TTC12: variants seen among roughly 807,000 people sequenced by gnomAD.
The protein encoded by TTC12 is tetratricopeptide repeat protein 12.
A neutral mutation model predicts 90.1 loss-of-function variants in TTC12; 70 were observed. The observed-to-expected ratio is 0.78, with a 90% CI of 0.64 to 0.95. The LOEUF (loss-of-function observed/expected upper bound fraction) is 0.95. Ranked by LOEUF, TTC12 falls within the 40% of genes least tolerant of loss-of-function variation. The pLI, the probability that TTC12 is intolerant of heterozygous loss-of-function variation, is 0.00. For missense variants in TTC12, 819 were observed against 846.1 expected (o/e 0.97, Z 0.40); for synonymous variants, 296 against 311.5 (o/e 0.95, Z 0.53).
chr11:113,345,327 G>A (rs1555147758), intron 13 of TTC12, among the ~76,000 whole-genome samples: 2 of 152,180 alleles, frequency 1.3e-5, no homozygotes, highest in African/African-American at 4.8e-5. Context: ...GGGTAGGCAA[G>A]GTAAGCTTTA....
intron 7 of TTC12, among the ~76,000 whole-genome samples, chr11:113,331,429 T>C (rs1368141865): frequency 1.3e-5 from 2 of 152,232 alleles, no homozygotes; most frequent in African/African-American, 4.8e-5. Context: ...AGTGTCACTA[T>C]TTTCTCTATT....
intron 12 of TTC12, among the ~76,000 whole-genome samples, 185 bp from the exon 13 acceptor site, chr11:113,344,087 G>C (rs369414186): frequency 6.6e-6 from 1 of 152,184 alleles, no homozygotes; most frequent in Non-Finnish European, 1.5e-5. Context: ...GAGTTCATTG[G>C]TAAGGTCGCT....
intron 13 of TTC12, among the ~76,000 whole-genome samples, chr11:113,345,129 A>G (rs1163670980): frequency 2.0e-5 from 3 of 152,232 alleles, no homozygotes; most frequent in South Asian, 4.1e-4. Flanking sequence ...GTTTGAACAT[A>G]TGAAATTGCC....
At chr11:113,317,510 A>G (rs1947017059) in intron 2 of TTC12, among the ~76,000 whole-genome samples, 1 of 152,138 alleles carries the variant, frequency 6.6e-6, no homozygotes, top group Non-Finnish European at 1.5e-5. Flanking sequence ...CACCCAGACT[A>G]TGTCAACAAC....
At chr11:113,355,895 C>T (rs1375259789) in intron 16 of TTC12, among the ~76,000 whole-genome samples, 4 of 152,130 alleles carry the variant, frequency 2.6e-5, no homozygotes, top group Admixed American at 6.5e-5. Flanking sequence ...CACTATGTGG[C>T]GATGAGAAAA....
intron 21 of TTC12, among the ~76,000 whole-genome samples, chr11:113,372,580 A>G (rs1016689597): frequency 6.6e-6 from 1 of 152,234 alleles, no homozygotes; most frequent in Admixed American, 6.5e-5. Context: ...ATTGTAGGCT[A>G]TAGATGCATT....
At chr11:113,325,416 G>A (rs563609405) in intron 5 of TTC12, 108 bp from the exon 6 acceptor site, 9 of 1,324,990 alleles carry the variant, frequency 6.8e-6, no homozygotes, top group African/African-American at 5.9e-5. Context: ...CTTTAGGATC[G>A]ATAGAAGTGA....
chr11:113,322,472 A>G (rs1282504038), intron 2 of TTC12, among the ~76,000 whole-genome samples: 1 of 152,190 alleles, frequency 6.6e-6, no homozygotes, highest in African/African-American at 2.4e-5. Context: ...TGTAGTTTTA[A>G]TAGCAGGAAG....
At chr11:113,356,509 A>G (rs189469763) in intron 16 of TTC12, among the ~76,000 whole-genome samples, 1 of 152,258 alleles carries the variant, frequency 6.6e-6, no homozygotes, top group East Asian at 1.9e-4. Flanking sequence ...TATTTTGCTG[A>G]CTTATTTATG....
intron 21 of TTC12, among the ~76,000 whole-genome samples, chr11:113,372,137 C>T (rs1279864496): frequency 6.6e-6 from 1 of 152,048 alleles, no homozygotes; most frequent in Non-Finnish European, 1.5e-5. Flanking sequence ...CAAGGAGGGC[C>T]GAGAGAATCT....
At chr11:113,348,476 T>C (rs1344791624) in intron 13 of TTC12, among the ~76,000 whole-genome samples, 1 of 152,202 alleles carries the variant, frequency 6.6e-6, no homozygotes, top group Non-Finnish European at 1.5e-5. Context: ...GTCTGGTCCC[T>C]TAGCCTTTAT....
At chr11:113,365,131 G>C (rs1950140389) in intron 21 of TTC12, 71 bp downstream of exon 21, 1 of 1,409,116 alleles carries the variant, frequency 7.1e-7, no homozygotes, top group East Asian at 2.4e-5. Context: ...CTGAGTTTTG[G>C]CTGGGACTGC....
At chr11:113,333,472 T>C (rs1199897635) in intron 7 of TTC12, among the ~76,000 whole-genome samples, 1 of 152,192 alleles carries the variant, frequency 6.6e-6, no homozygotes, top group Non-Finnish European at 1.5e-5. Flanking sequence ...TGTAGCACCT[T>C]TCTGAAGGAG....
chr11:113,339,969 C>A (rs1208595315), intron 10 of TTC12, among the ~76,000 whole-genome samples: 2 of 152,162 alleles, frequency 1.3e-5, no homozygotes, highest in African/African-American at 4.8e-5. Flanking sequence ...ACCTCGTACA[C>A]CTTCCCTCCA....
intron 18 of TTC12, among the ~76,000 whole-genome samples, chr11:113,360,557 A>C (rs188531399): frequency 6.6e-6 from 1 of 152,348 alleles, no homozygotes; most frequent in Non-Finnish European, 1.5e-5. Context: ...AGAAAGGCCT[A>C]TATGTTAGCA....
chr11:113,362,327 C>A (rs1555155442), intron 18 of TTC12, 74 bp from the exon 19 acceptor site: 3 of 1,125,682 alleles, frequency 2.7e-6, no homozygotes, highest in Admixed American at 1.9e-5. Context: ...CCTCACCAAA[C>A]TCCCCGTTAG....
At position 113,366,296 on chromosome 11, in the gene TTC12, C is replaced by G; in HGVS notation, c.2114C>G (p.Ser705Cys). 1 of 1,613,582 alleles carries G rather than the reference C, an allele frequency of 6.2e-7. No individual in the cohort carries two copies. Among genetic ancestry groups the G allele is most frequent in the Admixed American group, 1.7e-5 (1 of 60,030 alleles). ...TCTACGATGAAATACATCAGTGATT[C>G]TTGAGAGAGACAGGGTTTGTGTGCA... The part of the protein sequence containing the change: ...LNSTMKYISD[S>C] Residue 705 changes from serine to cysteine, a missense_variant, in exon 22 of 22, where the codon TCT becomes TGT. Ser to Cys is a moderately radical substitution (Grantham distance 112). Coordinates refer to ENST00000529221, the MANE Select transcript of TTC12 (RefSeq NM_017868.4).
chr11:113,323,784 G>A (rs1215391961), intron 3 of TTC12, among the ~76,000 whole-genome samples: 2 of 152,090 alleles, frequency 1.3e-5, no homozygotes, highest in African/African-American at 4.8e-5. Flanking sequence ...GGGCAGCCTT[G>A]TTTTGCAGAC....
At chr11:113,325,986 A>G (rs573319063) in intron 6 of TTC12, among the ~76,000 whole-genome samples, 2 of 152,296 alleles carry the variant, frequency 1.3e-5, no homozygotes, top group South Asian at 2.1e-4. Context: ...GAAATGACCT[A>G]TGGGACCTTA....
Sources: allele counts gnomAD v4.1 joint callset (sites outside exome capture counted in the v4.1 genomes callset), GRCh38; gene constraint gnomAD v4.1.1; transcripts MANE v1.5; gene names NCBI Gene and HGNC (gene_info 2026-07-23, HGNC 2026-07-21).